COL23A1: variants seen among roughly 807,000 people sequenced by gnomAD.
COL23A1 encodes collagen alpha-1(XXIII) chain.
Under a neutral mutation model 99.3 loss-of-function variants are expected in COL23A1, and 97 were observed. That is an observed-to-expected ratio of 0.98 (90% CI 0.83 to 1.16). The LOEUF is 1.16. Among genes scored for constraint, COL23A1 ranks in the 50% most tolerant of loss-of-function variants. The pLI, the probability that COL23A1 is intolerant of heterozygous loss-of-function variation, is 0.00. For missense variants in COL23A1, 762 were observed against 757.4 expected, an observed-to-expected ratio of 1.01 and a Z score of -0.07; for synonymous variants, 320 against 308.2, an observed-to-expected ratio of 1.04 and a Z score of -0.40.
At chr5:178,414,840 G>A (rs901640977) in intron 2 of COL23A1, among the ~76,000 whole-genome samples, 1 of 152,168 alleles carries the variant, frequency 6.6e-6, no homozygotes, top group Non-Finnish European at 1.5e-5. Context: ...ACCCAGCTAA[G>A]GCAGCCACAT....
intron 2 of COL23A1, chr5:178,350,897 A>G (rs577059757): frequency 6.6e-6 from 1 of 152,334 alleles, no homozygotes; most frequent in Non-Finnish European, 1.5e-5. Context: ...CGAGGTGCAG[A>G]ATGGCCTGAC....
At chr5:178,358,292 ATATG>A (rs756857958) in intron 2 of COL23A1, among the ~76,000 whole-genome samples, 1,172 of 111,784 alleles carry the variant, frequency 0.01, 14 homozygotes, top group Middle Eastern at 0.025. Flanking sequence ...GCGTGTGCGT[ATATG>A]TATGTATGTA....
intron 2 of COL23A1, among the ~76,000 whole-genome samples, chr5:178,533,915 A>T (rs1760791354): frequency 6.6e-6 from 1 of 152,182 alleles, no homozygotes; most frequent in Admixed American, 6.5e-5. Context: ...GCTTCAGTGG[A>T]CACCCAGTGT....
In COL23A1 at chr5:178,590,252, C is replaced by G; in HGVS notation, c.-55G>C. 8.4e-7 allele frequency: 1 copy of G among 1,195,610 alleles called. No individual in the cohort carries two copies. The highest frequency in any genetic ancestry group is 1.0e-6 in the Non-Finnish European group (1 of 962,482). The allele number at this position is 1,195,610 out of a possible 1,614,324, so 74.1% of individuals were successfully genotyped here. ...GGGGGCGGTGCTGCTGGGGCAGAGG[C>G]TGGGTGCGAGAGGAGCAGGCGGGAC... On this transcript the variant is annotated 5_prime_UTR_variant, in exon 1 of 29. Transcript: ENST00000390654. The surrounding 1 kb of genome is among the most constrained non-coding windows in gnomAD (Gnocchi z 5.7).
rs545704574 is a variant in COL23A1 at position 178,318,649 on chromosome 5, T to C, written c.362-11730A>G. Among the ~76,000 whole-genome samples, 157 of 152,132 alleles carry C rather than the reference T, an allele frequency of 1.0e-3. 2 individuals are homozygous for C. The South Asian group carries it at 0.022, about 21-fold the overall frequency. On this transcript the variant is annotated intron_variant, in intron 2 of 28. Transcript: ENST00000390654. ...GGGCGCGGTGGCTCACACCTATAATTCCAGCACTTTGGGAGGCCGAGGTGG... is the reference window on the plus strand; with the variant it reads ...GGGCGCGGTGGCTCACACCTATAATCCCAGCACTTTGGGAGGCCGAGGTGG...
chr5:178,373,495 C>G (rs898924519), intron 2 of COL23A1, among the ~76,000 whole-genome samples: 1 of 152,202 alleles, frequency 6.6e-6, no homozygotes, highest in African/African-American at 2.4e-5. Context: ...CGGCTCACTG[C>G]AACCTCCGCC....
At chr5:178,385,545 C>G (rs1398749421) in intron 2 of COL23A1, among the ~76,000 whole-genome samples, 3 of 152,332 alleles carry the variant, frequency 2.0e-5, no homozygotes, top group African/African-American at 7.2e-5. Flanking sequence ...TGCTGGGCAC[C>G]GAGCCGGGGT....
Position 178,547,292 on chromosome 5 carries a change from C to G in COL23A1, c.361+13390G>C, listed in dbSNP as rs551284297. Among the ~76,000 whole-genome samples the G allele has an allele frequency of 8.2e-4, 124 of 152,066 alleles. 2 individuals are homozygous for G. The South Asian group carries it at 0.025, about 31-fold the overall frequency. On this transcript the variant is annotated intron_variant, in intron 2 of 28. Transcript: ENST00000390654. ...AACTCAGCAGAGCCGAGCCCTGGCCCAAGTCACCTCTATGACCGGCAGTGA... is the reference window on the plus strand; with the variant it reads ...AACTCAGCAGAGCCGAGCCCTGGCCGAAGTCACCTCTATGACCGGCAGTGA...
chr5:178,288,235 G>A lies in COL23A1; in HGVS notation c.441+89C>T, dbSNP rs1348068646. 28 of 1,106,520 alleles carry A rather than the reference G, an allele frequency of 2.5e-5. 1 individual carries two copies. In the South Asian group the frequency reaches 3.3e-4, roughly 13 times the overall value. 68.5% of individuals were successfully genotyped at this position (1,106,520 alleles called of 1,614,324 possible). On this transcript the variant is annotated intron_variant, in intron 5 of 28. Coordinates refer to ENST00000390654, the MANE Select transcript of COL23A1 (RefSeq NM_173465.4). ...CTGCTGAGGAGCAGAAGAGACAGGA[G>A]CGCAGACAGAGTTAAATCAAGGCTC...
At chr5:178,505,463 C>A (rs931675888) in intron 2 of COL23A1, among the ~76,000 whole-genome samples, 6 of 152,028 alleles carry the variant, frequency 3.9e-5, no homozygotes, top group African/African-American at 1.4e-4. Context: ...GTTGGCCAGG[C>A]TGGTCTTAAA....
intron 25 of COL23A1, among the ~76,000 whole-genome samples, chr5:178,244,146 ATT>A (rs59008283): frequency 2.9e-3 from 413 of 141,042 alleles, no homozygotes; most frequent in Middle Eastern, 3.7e-3. Context: ...TGCCTGGCTA[ATT>A]TTTTTTTTTT....
intron 2 of COL23A1, among the ~76,000 whole-genome samples, chr5:178,513,527 CTA>C (rs1251296067): frequency 6.6e-6 from 1 of 152,122 alleles, no homozygotes; most frequent in Non-Finnish European, 1.5e-5. Flanking sequence ...TGTAGGCAGG[CTA>C]TGTTTCTTCC....
intron 2 of COL23A1, among the ~76,000 whole-genome samples, chr5:178,427,825 G>A (rs1039893104): frequency 1.3e-5 from 2 of 152,178 alleles, no homozygotes; most frequent in Non-Finnish European, 1.5e-5. Flanking sequence ...AATAGTTGGA[G>A]CACGGGGGAT....
At chr5:178,341,032 T>C (rs1001179851) in intron 2 of COL23A1, among the ~76,000 whole-genome samples, 6 of 152,162 alleles carry the variant, frequency 3.9e-5, no homozygotes, top group African/African-American at 7.2e-5. Flanking sequence ...GCTGAGACAA[T>C]TGGGCTGACC....
intron 2 of COL23A1, among the ~76,000 whole-genome samples, chr5:178,550,592 C>A (rs528892047): frequency 2.8e-4 from 42 of 152,248 alleles, no homozygotes; most frequent in Admixed American, 2.6e-3. Context: ...TTTTGTCTAG[C>A]CAGCCATGGT....
intron 2 of COL23A1, among the ~76,000 whole-genome samples, chr5:178,318,093 G>C (rs182608388): frequency 1.3e-5 from 2 of 152,314 alleles, no homozygotes; most frequent in Non-Finnish European, 2.9e-5. Context: ...GCCACAGGTA[G>C]ATCATTCAAC....
At chr5:178,484,728 A>G (rs544216931) in intron 2 of COL23A1, among the ~76,000 whole-genome samples, 1 of 149,396 alleles carries the variant, frequency 6.7e-6, no homozygotes, top group Non-Finnish European at 1.5e-5. Context: ...AGGCTGAGGC[A>G]GGAGAATGGT....
chr5:178,432,457 C>A (rs1561967280), intron 2 of COL23A1, among the ~76,000 whole-genome samples: 1 of 152,102 alleles, frequency 6.6e-6, no homozygotes, highest in Non-Finnish European at 1.5e-5. Context: ...GGAGAAATAC[C>A]CCATTTCTCT....
In COL23A1 at chr5:178,365,343, C is replaced by T. The variant is rs928576067; in HGVS notation, c.362-58424G>A. Among the ~76,000 whole-genome samples the T allele has an allele frequency of 6.6e-6, 1 of 152,090 alleles. No homozygotes were observed. The highest frequency in any genetic ancestry group is 6.5e-5 in the Admixed American group (1 of 15,280). Reference sequence around the variant, plus strand: ...GGCACTGAGACCTCGGTGGCTGTCCCAGGCTCTGTCCTCCCTGCATATGGC... The same window carrying T: ...GGCACTGAGACCTCGGTGGCTGTCCTAGGCTCTGTCCTCCCTGCATATGGC... On this transcript the variant is annotated intron_variant, in intron 2 of 28. Transcript: ENST00000390654. This position sits in a 1 kb window ranked among gnomAD's most constrained non-coding sequence, Gnocchi z 5.2.
Sources: allele counts gnomAD v4.1 joint callset (sites outside exome capture counted in the v4.1 genomes callset), GRCh38; gene constraint gnomAD v4.1.1; non-coding constraint Gnocchi (gnomAD v3.1); transcripts MANE v1.5; gene names NCBI Gene and HGNC (gene_info 2026-07-23, HGNC 2026-07-21).